Variants in AFG1L observed in about 807,000 individuals in gnomAD.
The protein encoded by AFG1L is AFG1-like ATPase.
Under a neutral mutation model 62.2 loss-of-function variants are expected in AFG1L, and 53 were observed. The ratio of observed to expected loss-of-function variants is 0.85; its 90% CI spans 0.68 to 1.07. The LOEUF is 1.07. Ranked by LOEUF, AFG1L falls within the 50% of genes least tolerant of loss-of-function variation. AFG1L has a pLI of 0.00. For synonymous variants in AFG1L, 228 were observed against 210.3 expected (o/e 1.08, Z -0.73); for missense variants, 555 against 590.5 (o/e 0.94, Z 0.62).
intron 5 of AFG1L, among the ~76,000 whole-genome samples, chr6:108,364,376 T>C (rs1779668124): frequency 1.3e-5 from 2 of 152,228 alleles, no homozygotes; most frequent in South Asian, 4.1e-4. Context: ...CAGCAAATTA[T>C]AACTCAACTA....
chr6:108,395,403 CTT>C (rs71551344), intron 6 of AFG1L, among the ~76,000 whole-genome samples: 5 of 122,914 alleles, frequency 4.1e-5, no homozygotes, highest in Admixed American at 8.9e-5. Context: ...CTTTTCTTTT[CTT>C]TTTTTTTTTT....
intron 2 of AFG1L, among the ~76,000 whole-genome samples, chr6:108,343,185 C>T (rs1252968734): frequency 1.3e-5 from 2 of 151,812 alleles, no homozygotes; most frequent in Admixed American, 6.6e-5. Context: ...CTGCCTCAGC[C>T]TCCTGAGTAG....
In AFG1L at chr6:108,414,764, A is replaced by G. The variant is rs190068301; in HGVS notation, c.807+12710A>G. ...TCTCAATAAACTAGGTATTGATGGG[A>G]TGTATCTCAAAATAATAAGAGCTAT... is the stretch of plus-strand genomic sequence containing the variant. On this transcript the variant is annotated intron_variant, in intron 7 of 12. Coordinates refer to ENST00000368977, the MANE Select transcript of AFG1L (RefSeq NM_145315.5). 9.1e-3 allele frequency among the ~76,000 whole-genome samples: 1,380 copies of G among 152,322 alleles called. 7 individuals are homozygous for G. The highest frequency in any genetic ancestry group is 0.012 in the Non-Finnish European group (827 of 68,020).
intron 3 of AFG1L, 53 bp from the exon 4 acceptor site, chr6:108,355,601 G>A: frequency 1.2e-6 from 1 of 865,064 alleles, no homozygotes; most frequent in Non-Finnish European, 1.8e-6. Flanking sequence ...AATCATTACA[G>A]CAATCAGTAC....
chr6:108,487,401 T>C (rs1033159825), intron 10 of AFG1L, among the ~76,000 whole-genome samples: 9 of 152,238 alleles, frequency 5.9e-5, no homozygotes, highest in African/African-American at 2.2e-4. Flanking sequence ...GATACTATTT[T>C]GCTGAGTTGC....
At chr6:108,405,344 T>A (rs1781803948) in intron 7 of AFG1L, among the ~76,000 whole-genome samples, 1 of 152,160 alleles carries the variant, frequency 6.6e-6, no homozygotes, top group Non-Finnish European at 1.5e-5. Flanking sequence ...ATAACAAAAA[T>A]TACTATTTTA....
intron 11 of AFG1L, among the ~76,000 whole-genome samples, chr6:108,514,338 A>G (rs554003793): frequency 4.9e-4 from 75 of 152,328 alleles, no homozygotes; most frequent in African/African-American, 1.8e-3. Context: ...GTGGGGGCCA[A>G]TATTCAACAT....
In AFG1L at chr6:108,395,329, A is replaced by T. The variant is rs550713003; in HGVS notation, c.749-6667A>T. Among the ~76,000 whole-genome samples the T allele has an allele frequency of 3.9e-4, 60 of 151,996 alleles. 1 individual carries two copies. The highest frequency in any genetic ancestry group is 1.2e-3 in the South Asian group (6 of 4,806). ...AAAATCCCATAATGCCATACTTTTT[A>T]AAAAAAATTGAGACACATAATCTGT... On this transcript the variant is annotated intron_variant, in intron 6 of 12. Transcript: ENST00000368977.
Position 108,364,864 on chromosome 6 carries a change from C to CAA in AFG1L, c.649-1369_649-1368insAA, listed in dbSNP as rs1562110488. ...GTTTTTTAGTTATAACCTGAGACAG[C>CAA]CAAAAAAAAAAAAAAAAAAAAAGTA... On this transcript the variant is annotated intron_variant, in intron 5 of 12. Transcript: ENST00000368977. 1.9e-3 allele frequency among the ~76,000 whole-genome samples: 164 copies of CAA among 84,244 alleles called. 13 individuals carry two copies. The highest frequency in any genetic ancestry group is 3.6e-3 in the African/African-American group (48 of 13,320). The allele number at this position is 84,244 out of a possible 152,430, so 55.3% of individuals were successfully genotyped here.
intron 1 of AFG1L, among the ~76,000 whole-genome samples, chr6:108,320,244 G>A (rs183043211): frequency 1.3e-5 from 2 of 152,192 alleles, no homozygotes; most frequent in African/African-American, 4.8e-5. Context: ...AGTACATGGA[G>A]GCTATACATT....
intron 7 of AFG1L, among the ~76,000 whole-genome samples, chr6:108,422,462 A>T (rs540150878): frequency 3.1e-4 from 43 of 140,716 alleles, no homozygotes; most frequent in African/African-American, 1.0e-3. Context: ...ATATTTTTTT[A>T]AAATTAGTCC....
chr6:108,305,408 C>G (rs1053462600), intron 1 of AFG1L, among the ~76,000 whole-genome samples: 2 of 152,156 alleles, frequency 1.3e-5, no homozygotes, highest in East Asian at 3.8e-4. Context: ...TTTTTTGAGA[C>G]AGAGTCTTGC....
At chr6:108,486,458 T>G (rs1414468418) in intron 10 of AFG1L, among the ~76,000 whole-genome samples, 2 of 152,202 alleles carry the variant, frequency 1.3e-5, no homozygotes, top group African/African-American at 4.8e-5. Context: ...GGAAAAAAGT[T>G]TAGAAATTGT....
intron 10 of AFG1L, among the ~76,000 whole-genome samples, chr6:108,485,990 A>G (rs1176246632): frequency 2.6e-5 from 4 of 151,944 alleles, no homozygotes; most frequent in Non-Finnish European, 5.9e-5. Flanking sequence ...TTTTTTAAAA[A>G]TAGAATTTGT....
intron 6 of AFG1L, among the ~76,000 whole-genome samples, chr6:108,391,584 G>A (rs1292156531): frequency 6.6e-6 from 1 of 152,116 alleles, no homozygotes; most frequent in Non-Finnish European, 1.5e-5. Flanking sequence ...TGCGTTGTCT[G>A]TTTACTCTGC....
At chr6:108,448,956 C>T (rs1274180574) in intron 8 of AFG1L, among the ~76,000 whole-genome samples, 1 of 151,834 alleles carries the variant, frequency 6.6e-6, no homozygotes, top group Non-Finnish European at 1.5e-5. Context: ...TTGAAACCAG[C>T]TGGGCAACAT....
chr6:108,445,931 CA>C (rs1275212977), intron 7 of AFG1L, among the ~76,000 whole-genome samples: 1 of 151,894 alleles, frequency 6.6e-6, no homozygotes, highest in African/African-American at 2.4e-5. Flanking sequence ...AAATTGAGGC[CA>C]ATAGACTTGC....
At chr6:108,509,064 A>T (rs1774532985) in intron 10 of AFG1L, among the ~76,000 whole-genome samples, 2 of 152,276 alleles carry the variant, frequency 1.3e-5, no homozygotes, top group South Asian at 4.1e-4. Flanking sequence ...ACATTTGCTC[A>T]TGGTTTGCTG....
Position 108,477,193 on chromosome 6 carries a change from A to C in AFG1L, c.963A>C (p.Leu321Phe). The stretch of plus-strand genomic sequence containing the variant: ...GAGTCTTTGTTCATGTTCCCATAGT[A>C]ACTAGACCAAGGATTCTAAAAGTGC... ...FDELAQKQND[L>F]TRPRILKVQG... Residue 321 changes from leucine to phenylalanine, a missense_variant and splice_region_variant, in exon 10 of 13, where the codon TTA becomes TTC. By Grantham distance (22) the Leu-to-Phe change is conservative. Transcript: ENST00000368977. 1.9e-6 allele frequency: 3 copies of C among 1,587,452 alleles called. No homozygotes were observed. The highest frequency in any genetic ancestry group is 2.6e-6 in the Non-Finnish European group (3 of 1,163,898).
Sources: gnomAD v4.1 joint callset for allele counts (sites outside exome capture counted in the v4.1 genomes callset) on GRCh38, gnomAD v4.1.1 for gene constraint, MANE v1.5 for transcripts, NCBI Gene and HGNC (gene_info 2026-07-23, HGNC 2026-07-21) for gene names.